The following STXBP5 variants were observed in gnomAD, a reference collection of about 807,000 sequenced individuals.
The protein encoded by STXBP5 is syntaxin binding protein 5.
STXBP5 carries 50 observed loss-of-function variants against 152.4 expected under a neutral mutation model. That is an observed-to-expected ratio of 0.33 (90% CI 0.26 to 0.42). The LOEUF is 0.42. Ranked by LOEUF, STXBP5 falls within the 10% of genes least tolerant of loss-of-function variation. STXBP5 has a pLI of 1.00. For synonymous variants in STXBP5, 492 were observed against 494.7 expected (o/e 0.99, Z 0.07); for missense variants, 1,167 against 1,388.6 (o/e 0.84, Z 2.54).
Position 147,359,145 on chromosome 6 carries a change from A to G in STXBP5, c.2367A>G (p.Glu789=). 3 of 1,614,036 alleles carry G rather than the reference A, an allele frequency of 1.9e-6. No homozygotes were observed. Among genetic ancestry groups the G allele is most frequent in the Admixed American group, 1.7e-5 (1 of 59,992 alleles). The change falls in exon 23 of 28, where the codon GAA becomes GAG. Residue 789 remains glutamate (E), a synonymous_variant. Coordinates refer to ENST00000321680, the MANE Select transcript of STXBP5 (RefSeq NM_001127715.4). ...RSSSVTSIDK[E]SREAISALHF... ...CAAGTGTAACAAGCATTGACAAAGA[A>G]TCCCGAGAAGCGATCTCCGCTCTTC...
chr6:147,259,281 G>C (rs998667744), intron 4 of STXBP5, among the ~76,000 whole-genome samples: 4 of 152,106 alleles, frequency 2.6e-5, no homozygotes, highest in Admixed American at 2.6e-4. Context: ...ATGTAAGTTA[G>C]TTTTACAGTT....
intron 2 of STXBP5, among the ~76,000 whole-genome samples, chr6:147,228,466 G>T (rs657155): frequency 0.48 from 72,095 of 151,560 alleles, 17,259 homozygotes; most frequent in African/African-American, 0.53. Context: ...GTATTTAGGT[G>T]GGGACTAATT....
chr6:147,248,140 C>T lies in STXBP5; in HGVS notation c.431+8870C>T, dbSNP rs9497730. ...ACTAAAAATACAAAAATTAGCCAGG[C>T]GTGGAAGTGGGCACCTGTATTCCCA... On this transcript the variant is annotated intron_variant, in intron 4 of 27. Coordinates refer to ENST00000321680, the MANE Select transcript of STXBP5 (RefSeq NM_001127715.4). Among the ~76,000 whole-genome samples, 1,164 of 151,950 alleles carry T rather than the reference C, an allele frequency of 7.7e-3. 19 individuals are homozygous for T. The highest frequency in any genetic ancestry group is 0.026 in the African/African-American group (1,067 of 41,464).
At position 147,388,559 on chromosome 6, in the gene STXBP5, C is replaced by G. The variant is rs538522830; in HGVS notation, c.*3804C>G. 14 of 151,258 alleles carry G rather than the reference C, an allele frequency of 9.3e-5. No homozygotes were observed. Among genetic ancestry groups the G allele is most frequent in the Non-Finnish European group, 5.9e-5 (4 of 67,534 alleles). 9.4% of individuals were successfully genotyped at this position (151,258 alleles called of 1,614,324 possible). The stretch of plus-strand genomic sequence containing the variant: ...TATCCATACAAAAAGTTATGTTTTA[C>G]GCTTATAATAAGAAATACTGGTATC... On this transcript the variant is annotated 3_prime_UTR_variant, in exon 28 of 28. Coordinates refer to ENST00000321680, the MANE Select transcript of STXBP5 (RefSeq NM_001127715.4).
chr6:147,262,223 A>G (rs1779676620), intron 5 of STXBP5, 67 bp from the exon 6 acceptor site: 1 of 866,448 alleles, frequency 1.2e-6, no homozygotes, highest in Non-Finnish European at 1.8e-6. Context: ...TTTTATTGGA[A>G]TGAAATATGT....
chr6:147,313,249 C>A (rs1782473640), intron 11 of STXBP5, among the ~76,000 whole-genome samples: 1 of 152,114 alleles, frequency 6.6e-6, no homozygotes, highest in Non-Finnish European at 1.5e-5. Flanking sequence ...TCTGGTTTTC[C>A]AGACTATTCT....
intron 2 of STXBP5, among the ~76,000 whole-genome samples, chr6:147,228,257 T>A (rs950737296): frequency 6.6e-6 from 1 of 152,148 alleles, no homozygotes; most frequent in Non-Finnish European, 1.5e-5. Flanking sequence ...GGCCCATGAA[T>A]ATCTAAAAGT....
At chr6:147,337,168 GAT>G (rs1400819072) in intron 19 of STXBP5, among the ~76,000 whole-genome samples, 1 of 96,994 alleles carries the variant, frequency 1.0e-5, no homozygotes. Context: ...TGCATGCAAA[GAT>G]ATATATATAT....
chr6:147,334,554 T>C (rs1332479583), intron 19 of STXBP5, among the ~76,000 whole-genome samples: 2 of 152,146 alleles, frequency 1.3e-5, no homozygotes, highest in Non-Finnish European at 2.9e-5. Context: ...CTTTAAATGT[T>C]ATGAAAAATG....
At chr6:147,235,150 G>A in intron 2 of STXBP5, 100 bp from the exon 3 acceptor site, 1 of 963,568 alleles carries the variant, frequency 1.0e-6, no homozygotes, top group East Asian at 2.5e-5. Context: ...GGCCTGTATT[G>A]AATATGAGGT....
chr6:147,256,664 T>C (rs933303772), intron 4 of STXBP5, among the ~76,000 whole-genome samples: 1 of 152,204 alleles, frequency 6.6e-6, no homozygotes, highest in African/African-American at 2.4e-5. Context: ...GATTTGACGA[T>C]CAATGATAAT....
chr6:147,366,250 G>C (rs560433548), intron 25 of STXBP5, among the ~76,000 whole-genome samples: 1 of 152,190 alleles, frequency 6.6e-6, no homozygotes, highest in Non-Finnish European at 1.5e-5. Context: ...TAAGCTTTCA[G>C]AGCAGAAAAA....
At chr6:147,291,276 C>G in intron 9 of STXBP5, 104 bp downstream of exon 9, 1 of 709,574 alleles carries the variant, frequency 1.4e-6, no homozygotes, top group Non-Finnish European at 2.1e-6. Flanking sequence ...GAATAGTCTA[C>G]ACCATTCTTA....
At chr6:147,383,831 A>T (rs575152892) in intron 27 of STXBP5, among the ~76,000 whole-genome samples, 1 of 152,124 alleles carries the variant, frequency 6.6e-6, no homozygotes, top group South Asian at 2.1e-4. Flanking sequence ...GGAAATCTAG[A>T]ATGCATGAAG....
chr6:147,309,384 G>C (rs1434238676), intron 9 of STXBP5, among the ~76,000 whole-genome samples: 1 of 152,054 alleles, frequency 6.6e-6, no homozygotes. Flanking sequence ...AATATACTCA[G>C]ACCATAATAT....
In STXBP5 at chr6:147,373,850, G is replaced by T; in HGVS notation, c.3193+8G>T. On this transcript the variant is annotated splice_region_variant and intron_variant, in intron 26 of 27. Transcript: ENST00000321680. ...TTGACAGAGAAGAACTATGTAAGTT[G>T]ATTTATTTAATTCGGATAATATATC... 1 of 1,597,030 alleles carries T rather than the reference G, an allele frequency of 6.3e-7. No individual in the cohort carries two copies. The highest frequency in any genetic ancestry group is 1.1e-5 in the South Asian group (1 of 90,192).
chr6:147,262,710 G>A (rs1406738002), intron 6 of STXBP5, among the ~76,000 whole-genome samples: 2 of 151,674 alleles, frequency 1.3e-5, no homozygotes, highest in Non-Finnish European at 2.9e-5. Flanking sequence ...AATTTTTGTA[G>A]CACTAATCAC....
intron 8 of STXBP5, among the ~76,000 whole-genome samples, chr6:147,279,721 T>A (rs930006107): frequency 6.6e-6 from 1 of 152,342 alleles, no homozygotes; most frequent in South Asian, 2.1e-4. Context: ...TTTTTCTTAA[T>A]GTATTTTGTT....
intron 5 of STXBP5, among the ~76,000 whole-genome samples, chr6:147,261,870 A>AT (rs199953612): frequency 8.0e-5 from 12 of 149,148 alleles, no homozygotes; most frequent in East Asian, 3.9e-4. Context: ...AGGTGGCATT[A>AT]TTTTTTTTTT....
Sources: allele counts gnomAD v4.1 joint callset (sites outside exome capture counted in the v4.1 genomes callset), GRCh38; gene constraint gnomAD v4.1.1; transcripts MANE v1.5; gene names NCBI Gene and HGNC (gene_info 2026-07-23, HGNC 2026-07-21).